Variants in GCLC observed in about 807,000 individuals in gnomAD.
The protein encoded by GCLC is glutamate-cysteine ligase catalytic subunit.
In GCLC, 30 loss-of-function variants were observed where a neutral mutation model predicts 81.5. The observed-to-expected ratio is 0.37, with a 90% confidence interval of 0.28 to 0.50. The LOEUF (loss-of-function observed/expected upper bound fraction) is 0.50, where lower values mean the gene tolerates loss of function less well. GCLC is among the 20% of genes least tolerant of loss of function. The probability of loss-of-function intolerance (pLI) is 0.96; values close to 1 mark genes in which losing one functional copy is unlikely to be tolerated. For missense variants in GCLC, 556 were observed against 777.4 expected (o/e 0.72, Z 3.39); for synonymous variants, 262 against 273.3 (o/e 0.96, Z 0.41).
chr6:53,540,442 T>C (rs890475590), intron 1 of GCLC, among the ~76,000 whole-genome samples: 6 of 152,092 alleles, frequency 3.9e-5, no homozygotes, highest in African/African-American at 1.2e-4. Flanking sequence ...ATTCTACTTA[T>C]ATCAAGTACT....
At chr6:53,519,941 G>A (rs1308495084) in intron 3 of GCLC, among the ~76,000 whole-genome samples, 6 of 151,992 alleles carry the variant, frequency 3.9e-5, no homozygotes, top group African/African-American at 1.4e-4. Context: ...AATGGCTGAC[G>A]GACACGTATC....
intron 6 of GCLC, among the ~76,000 whole-genome samples, chr6:53,511,297 G>A (rs17879890): frequency 0.014 from 2,185 of 151,906 alleles, 25 homozygotes; most frequent in Middle Eastern, 0.085. Flanking sequence ...AAGGCATTGA[G>A]ATTTTAAAAA....
chr6:53,542,749 C>T (rs1422429621), intron 1 of GCLC, among the ~76,000 whole-genome samples: 3 of 151,678 alleles, frequency 2.0e-5, no homozygotes, highest in East Asian at 2.0e-4. Flanking sequence ...GGCACATTGG[C>T]TCATGCCTGT....
At chr6:53,528,708 T>A (rs968451691) in intron 1 of GCLC, among the ~76,000 whole-genome samples, 3 of 152,208 alleles carry the variant, frequency 2.0e-5, no homozygotes, top group Non-Finnish European at 2.9e-5. Flanking sequence ...ATGTGGCCTC[T>A]CCCTGATCTA....
intron 3 of GCLC, among the ~76,000 whole-genome samples, chr6:53,517,693 G>A (rs57602100): frequency 6.6e-6 from 1 of 152,144 alleles, no homozygotes; most frequent in Non-Finnish European, 1.5e-5. Context: ...GGAGAAGGTA[G>A]AATCAGAACT....
chr6:53,507,203 G>GAGTGTCAGGC, intron 9 of GCLC, 178 bp from the exon 10 acceptor site: 1 of 677,398 alleles, frequency 1.5e-6, no homozygotes, highest in South Asian at 1.7e-5. Flanking sequence ...GACACTGCGG[G>GAGTGTCAGGC]AGTGTCAGCG....
intron 1 of GCLC, among the ~76,000 whole-genome samples, chr6:53,540,834 C>T (rs968383779): frequency 6.6e-6 from 1 of 152,128 alleles, no homozygotes; most frequent in Non-Finnish European, 1.5e-5. Flanking sequence ...GGAATGGTTA[C>T]AGGCATCAGC....
At chr6:53,511,139 C>T (rs550408681) in intron 6 of GCLC, among the ~76,000 whole-genome samples, 13 of 145,626 alleles carry the variant, frequency 8.9e-5, no homozygotes, top group Non-Finnish European at 1.5e-4. Flanking sequence ...ATCCCAAGTG[C>T]GCAGGACAGC....
chr6:53,507,375 G>A lies in GCLC; in HGVS notation c.1084+105C>T, dbSNP rs1764636365. ...CCTCATGAGAGAAGTTAAAGACTTT[G>A]CACTAAAAATAGAAACCAGACCAGG... On this transcript the variant is annotated intron_variant, in intron 9 of 15. Coordinates refer to ENST00000650454, the MANE Select transcript of GCLC (RefSeq NM_001498.4). 2.9e-6 allele frequency: 3 copies of A among 1,049,150 alleles called. No individual in the cohort carries two copies. In the South Asian group the frequency reaches 3.9e-5, roughly 14 times the overall value. The allele number at this position is 1,049,150 out of a possible 1,614,324, so 65.0% of individuals were successfully genotyped here.
chr6:53,524,037 G>A (rs1193853157), intron 1 of GCLC: 5 of 152,220 alleles, frequency 3.3e-5, no homozygotes, highest in Non-Finnish European at 7.3e-5. Context: ...CTATAGATCT[G>A]TGACTCCGGA....
At chr6:53,520,629 G>C in intron 3 of GCLC, 149 bp downstream of exon 3, 1 of 765,788 alleles carries the variant, frequency 1.3e-6, no homozygotes, top group Middle Eastern at 3.5e-4. Context: ...CAGCTCTACT[G>C]TTACAGAGTC....
chr6:53,508,600 G>C lies in GCLC; in HGVS notation c.940C>G (p.Leu314Val), dbSNP rs1471655313. The C allele has an allele frequency of 1.0e-5, 16 of 1,591,788 alleles. No homozygotes were observed. The highest frequency in any genetic ancestry group is 1.1e-5 in the Non-Finnish European group (13 of 1,159,700). ...VDDRTREERG[L>V]EPLKNNNYRI... ...TAAGGAAAAACAATTCCCACCTCCA[G>C]TCCTCGCTCCTCCCGAGTTCTATCA... Residue 314 changes from leucine (L) to valine (V), a missense_variant, in exon 8 of 16, where the codon CTG becomes GTG. This residue lies in a region of GCLC where 313 missense variants were observed against 437.3 expected (regional missense o/e 0.72). Transcript: ENST00000650454.
In GCLC at chr6:53,520,759, T is replaced by TCTGCTA; in HGVS notation, c.446+18_446+19insTAGCAG. On this transcript the variant is annotated intron_variant, in intron 3 of 15. Transcript: ENST00000650454. ...TATCTCTGAGAGATCTGCTGGGGCA[T>TCTGCTA]GTTAATATAGGAACTAACCTGGGAA... 1 of 1,605,054 alleles carries TCTGCTA rather than the reference T, an allele frequency of 6.2e-7. No individual in the cohort carries two copies. The highest frequency in any genetic ancestry group is 8.5e-7 in the Non-Finnish European group (1 of 1,171,696).
chr6:53,529,281 G>A (rs531265293), intron 1 of GCLC, among the ~76,000 whole-genome samples: 2 of 152,184 alleles, frequency 1.3e-5, no homozygotes, highest in South Asian at 2.1e-4. Context: ...CATGCTCCAC[G>A]GATGCATGAG....
rs768012609 is a variant in GCLC, at chr6:53,507,498, C to T, written c.1066G>A (p.Glu356Lys). 1.3e-5 allele frequency: 21 copies of T among 1,612,296 alleles called. No homozygotes were observed. The highest frequency in any genetic ancestry group is 4.0e-5 in the African/African-American group (3 of 74,894). ...IDLTIDKEIY[E>K]QLLQEGIDHL... ...AACCCACCTTCCTGCAACAGCTGTT[C>T]GTAGATCTCTTTATCTATCGTCAAG... Residue 356 changes from glutamate to lysine, a missense_variant, in exon 9 of 16, where the codon GAA (glutamate) becomes AAA (lysine). This residue lies in a region of GCLC where 313 missense variants were observed against 437.3 expected (regional missense o/e 0.72). Transcript: ENST00000650454.
At chr6:53,528,430 TCACA>T (rs1664668488) in intron 1 of GCLC, among the ~76,000 whole-genome samples, 2 of 152,140 alleles carry the variant, frequency 1.3e-5, no homozygotes, top group Admixed American at 1.3e-4. Context: ...ATACATAACA[TCACA>T]CACACAACTA....
intron 1 of GCLC, among the ~76,000 whole-genome samples, chr6:53,541,625 G>C (rs573089018): frequency 6.6e-6 from 1 of 151,964 alleles, no homozygotes; most frequent in African/African-American, 2.4e-5. Flanking sequence ...GGGGCGGTGG[G>C]GGAACAAAGG....
Position 53,544,797 on chromosome 6 carries a change from C to A in GCLC, c.-152G>T. The A allele has an allele frequency of 3.1e-6, 2 of 637,638 alleles. No individual in the cohort carries two copies. The highest frequency in any genetic ancestry group is 4.8e-6 in the Non-Finnish European group (2 of 415,980). The allele number at this position is 637,638 out of a possible 1,614,324, so 39.5% of individuals were successfully genotyped here. A position where few individuals can be genotyped will look rare whatever the true frequency, so the allele number is the denominator to read the frequency against. On this transcript the variant is annotated 5_prime_UTR_variant, in exon 1 of 16. Coordinates refer to ENST00000650454, the MANE Select transcript of GCLC (RefSeq NM_001498.4). ...CGCAGTCGGCGGAGGGAGGGTCCTG[C>A]CCGCTCCGGCTCCCCGGCGGCGGCC... is the stretch of plus-strand genomic sequence containing the variant.
chr6:53,544,372 C>G, intron 1 of GCLC, 124 bp downstream of exon 1: 1 of 983,578 alleles, frequency 1.0e-6, no homozygotes, highest in African/African-American at 1.6e-5. Context: ...GGGAGGCGCT[C>G]GAGGACCCCC....
Sources: gnomAD v4.1 joint callset for allele counts (sites outside exome capture counted in the v4.1 genomes callset) on GRCh38, gnomAD v4.1.1 for gene constraint, gnomAD v4.1.1 regional missense constraint, MANE v1.5 for transcripts, NCBI Gene and HGNC (gene_info 2026-07-23, HGNC 2026-07-21) for gene names.